Variants in GAS7 observed in about 807,000 individuals in gnomAD.
GAS7 encodes growth arrest-specific protein 7.
Under a neutral mutation model 71.1 loss-of-function variants are expected in GAS7, and 28 were observed. That is an observed-to-expected ratio of 0.39 (90% CI 0.29 to 0.54). The LOEUF (loss-of-function observed/expected upper bound fraction) is 0.54, where lower values mean the gene tolerates loss of function less well. Among genes scored for constraint, GAS7 ranks in the 20% least tolerant of loss-of-function variants. The pLI is 0.62. For synonymous variants in GAS7, 258 were observed against 245.8 expected (o/e 1.05, Z -0.46); for missense variants, 436 against 627.8 (o/e 0.69, Z 3.27).
chr17:10,018,649 A>G (rs1269722539), intron 2 of GAS7, among the ~76,000 whole-genome samples: 3 of 152,186 alleles, frequency 2.0e-5, no homozygotes, highest in Admixed American at 1.3e-4. Flanking sequence ...GTGGAAGGTC[A>G]GGTTGCCAGG....
Position 9,973,675 on chromosome 17 carries a change from C to T in GAS7, c.386-3913G>A, listed in dbSNP as rs150440086. 2.0e-3 allele frequency among the ~76,000 whole-genome samples: 312 copies of T among 152,236 alleles called. 1 individual carries two copies. The highest frequency in any genetic ancestry group is 3.6e-3 in the Non-Finnish European group (242 of 68,014). On this transcript the variant is annotated intron_variant, in intron 3 of 13. Coordinates refer to ENST00000432992, the MANE Select transcript of GAS7 (RefSeq NM_201433.2). ...CAAGAGATGCCAAAAAGAAGTGAAA[C>T]CTTTGAAAAATGACCTCCCCGCAAA...
intron 1 of GAS7, among the ~76,000 whole-genome samples, chr17:10,170,265 T>C (rs1477473825): frequency 6.6e-6 from 1 of 151,696 alleles, no homozygotes; most frequent in East Asian, 1.9e-4. Context: ...ACACTCAGGG[T>C]AAATGTCAGA....
At chr17:10,047,819 C>T (rs571122633) in intron 1 of GAS7, among the ~76,000 whole-genome samples, 8 of 152,110 alleles carry the variant, frequency 5.3e-5, no homozygotes, top group South Asian at 2.1e-4. Flanking sequence ...CAGTGACTTG[C>T]GGGGCTAACA....
At chr17:10,060,092 AC>A (rs1455573705) in intron 1 of GAS7, among the ~76,000 whole-genome samples, 1 of 152,142 alleles carries the variant, frequency 6.6e-6, no homozygotes, top group Non-Finnish European at 1.5e-5. Flanking sequence ...TCTAGAGTGG[AC>A]CCAAGGCCAA....
intron 1 of GAS7, among the ~76,000 whole-genome samples, chr17:10,150,403 C>CTT (rs61317987): frequency 1.4e-5 from 2 of 143,392 alleles, no homozygotes; most frequent in South Asian, 2.2e-4. Context: ...TTCTTTCTCT[C>CTT]AACTGGTTAA....
intron 1 of GAS7, among the ~76,000 whole-genome samples, chr17:10,108,814 C>T (rs34794533): frequency 0.083 from 12,647 of 152,120 alleles, 904 homozygotes; most frequent in East Asian, 0.4. Context: ...CTATCTCTCA[C>T]CATATACAAA....
In GAS7 at chr17:9,917,999, AC is replaced by A; in HGVS notation, c.1317+1del. 6.2e-7 allele frequency: 1 copy of A among 1,610,048 alleles called. No homozygotes were observed. Among genetic ancestry groups the A allele is most frequent in the Non-Finnish European group, 8.5e-7 (1 of 1,176,578 alleles). ...GGGAGCCCCGCTGGGCTGGAAACTC[AC>A]GCTTTGGTTGAACATGTCTGTTTCA... On this transcript the variant is annotated splice_donor_variant, in intron 13 of 13. Transcript: ENST00000432992. LOFTEE classifies it high-confidence loss of function.
intron 1 of GAS7, among the ~76,000 whole-genome samples, chr17:10,080,617 A>G (rs1014382610): frequency 6.6e-6 from 1 of 152,248 alleles, no homozygotes; most frequent in African/African-American, 2.4e-5. Context: ...GAAGATCTAG[A>G]TCAATGGGAA....
intron 2 of GAS7, among the ~76,000 whole-genome samples, chr17:9,991,597 G>A (rs138778431): frequency 6.0e-4 from 91 of 152,216 alleles, no homozygotes; most frequent in African/African-American, 2.0e-3. Flanking sequence ...TCGAAGGGTC[G>A]CAGGGAGTAG....
At chr17:10,113,178 G>A (rs1475646838) in intron 1 of GAS7, among the ~76,000 whole-genome samples, 1 of 152,136 alleles carries the variant, frequency 6.6e-6, no homozygotes, top group African/African-American at 2.4e-5. Context: ...AAAAAAATCT[G>A]AAAGTGCACG....
chr17:10,125,703 G>A (rs2073940571), intron 1 of GAS7, among the ~76,000 whole-genome samples: 1 of 151,908 alleles, frequency 6.6e-6, no homozygotes, highest in Admixed American at 6.6e-5. Flanking sequence ...CGGGTGTGAG[G>A]GGGTCAGCTG....
chr17:10,110,336 C>G (rs1264347626), intron 1 of GAS7, among the ~76,000 whole-genome samples: 2 of 151,990 alleles, frequency 1.3e-5, no homozygotes, highest in Non-Finnish European at 2.9e-5. Flanking sequence ...TATGTAGGAG[C>G]TAAAAAAGTT....
intron 1 of GAS7, among the ~76,000 whole-genome samples, chr17:10,046,286 A>G (rs1240579915): frequency 4.6e-5 from 7 of 152,110 alleles, no homozygotes; most frequent in Admixed American, 3.9e-4. Context: ...GAAGCATCTG[A>G]CAGCTGCCCC....
intron 4 of GAS7, among the ~76,000 whole-genome samples, chr17:9,965,399 A>G (rs745738659): frequency 6.6e-6 from 1 of 152,240 alleles, no homozygotes; most frequent in Non-Finnish European, 1.5e-5. Context: ...CATCATTCTC[A>G]GCAAACACAG....
At chr17:10,126,436 G>GCA (rs754711440) in intron 1 of GAS7, among the ~76,000 whole-genome samples, 5 of 147,476 alleles carry the variant, frequency 3.4e-5, no homozygotes, top group Admixed American at 6.8e-5. Context: ...ACACGCAGAT[G>GCA]CACACACGCG....
At position 9,959,334 on chromosome 17, in the gene GAS7, G is replaced by A. The variant is rs188511315; in HGVS notation, c.472-79C>T. On this transcript the variant is annotated intron_variant, in intron 4 of 13. Transcript: ENST00000432992. The surrounding 1 kb of genome is among the most constrained non-coding windows in gnomAD (Gnocchi z 5.0). ...TTTCCCCCCATTCAGGTTCCCTGAG[G>A]GTGGAGGCGCTGGGGAATCAGGGAT... 6 of 1,603,122 alleles carry A rather than the reference G, an allele frequency of 3.7e-6. No individual in the cohort carries two copies. The highest frequency in any genetic ancestry group is 5.1e-6 in the Non-Finnish European group (6 of 1,174,308).
chr17:10,170,760 G>T (rs1050723426), intron 1 of GAS7, among the ~76,000 whole-genome samples: 1 of 152,228 alleles, frequency 6.6e-6, no homozygotes. Context: ...TTTGTTCAGT[G>T]AATGAGCCCC....
At chr17:10,102,848 CAG>C (rs1555533119) in intron 1 of GAS7, among the ~76,000 whole-genome samples, 2 of 151,616 alleles carry the variant, frequency 1.3e-5, no homozygotes, top group Non-Finnish European at 2.9e-5. Flanking sequence ...AAATCCCAAA[CAG>C]GCACTCAACT....
At chr17:10,166,503 G>T (rs192002978) in intron 1 of GAS7, among the ~76,000 whole-genome samples, 180 of 152,284 alleles carry the variant, frequency 1.2e-3, no homozygotes, top group African/African-American at 4.0e-3. Context: ...ATGTATTGAT[G>T]CTTTCCTTTT....
Sources: allele counts gnomAD v4.1 joint callset (sites outside exome capture counted in the v4.1 genomes callset), GRCh38; gene constraint gnomAD v4.1.1; non-coding constraint Gnocchi (gnomAD v3.1); transcripts MANE v1.5; gene names NCBI Gene and HGNC (gene_info 2026-07-23, HGNC 2026-07-21).